ATG13: variants seen among roughly 807,000 people sequenced by gnomAD.
The protein encoded by ATG13 is autophagy related 13, also known as autophagy-related protein 13.
In ATG13, 23 loss-of-function variants were observed where a neutral mutation model predicts 65.5. The ratio of observed to expected loss-of-function variants is 0.35; its 90% CI spans 0.25 to 0.50. The LOEUF (loss-of-function observed/expected upper bound fraction) is 0.50, where lower values mean the gene tolerates loss of function less well. Ranked by LOEUF, ATG13 falls within the 20% of genes least tolerant of loss-of-function variation. The pLI, the probability that ATG13 is intolerant of heterozygous loss-of-function variation, is 0.98. For missense variants in ATG13, 566 were observed against 677.0 expected, an observed-to-expected ratio of 0.84 and a Z score of 1.82; for synonymous variants, 252 against 245.2, an observed-to-expected ratio of 1.03 and a Z score of -0.26.
intron 1 of ATG13, among the ~76,000 whole-genome samples, chr11:46,627,105 G>T (rs1346938030): frequency 1.3e-5 from 2 of 152,212 alleles, no homozygotes; most frequent in African/African-American, 4.8e-5. Context: ...CCCGGGCCGG[G>T]CGTGATGGCT....
In ATG13 at chr11:46,618,806, T is replaced by A. The variant is rs2046272430; in HGVS notation, c.-70+916T>A. ...GCTCAGGAGAAGTCTTTTAGTTTTTTAGATTTTAAAATTTTTATTATTATT... is the reference window on the plus strand; with the variant it reads ...GCTCAGGAGAAGTCTTTTAGTTTTTAAGATTTTAAAATTTTTATTATTATT... On this transcript the variant is annotated intron_variant, in intron 1 of 18. Coordinates refer to ENST00000683050, the MANE Select transcript of ATG13 (RefSeq NM_001346311.2). 3.3e-5 allele frequency among the ~76,000 whole-genome samples: 5 copies of A among 152,046 alleles called. No homozygotes were observed. The South Asian group carries it at 1.0e-3, about 32-fold the overall frequency.
chr11:46,654,114 T>C (rs895139256), intron 7 of ATG13, among the ~76,000 whole-genome samples: 7 of 150,988 alleles, frequency 4.6e-5, no homozygotes, highest in Admixed American at 3.3e-4. Flanking sequence ...AAAGATTTCC[T>C]GCTTTGTTAA....
chr11:46,617,779 C>A lies in ATG13; in HGVS notation c.-181C>A. 2.5e-6 allele frequency: 1 copy of A among 399,118 alleles called. No homozygotes were observed. The highest frequency in any genetic ancestry group is 1.3e-4 in the South Asian group (1 of 7,794). 24.7% of individuals were successfully genotyped at this position (399,118 alleles called of 1,614,324 possible). ...GGTGTCTATCGGCGACGTGTACGGT[C>A]ACTGCAGCTCCGGAGCGCGGAACCC... On this transcript the variant is annotated 5_prime_UTR_variant, in exon 1 of 19. Transcript: ENST00000683050.
rs1237021446 is a variant in ATG13, at chr11:46,674,372, CG to C, written c.*2043del. ...CCTAGACTGACTCCTGCAGCACCCC[CG>C]GGACAGGCTGGGACCAGCTGTTTGT... is the stretch of plus-strand genomic sequence containing the variant. On this transcript the variant is annotated 3_prime_UTR_variant, in exon 19 of 19. Coordinates refer to ENST00000683050, the MANE Select transcript of ATG13 (RefSeq NM_001346311.2). 6.6e-6 allele frequency: 1 copy of C among 152,298 alleles called. No homozygotes were observed. Among genetic ancestry groups the C allele is most frequent in the African/African-American group, 2.4e-5 (1 of 41,434 alleles). 9.4% of individuals were successfully genotyped at this position (152,298 alleles called of 1,614,324 possible).
intron 3 of ATG13, among the ~76,000 whole-genome samples, chr11:46,644,750 T>C (rs1299065903): frequency 6.6e-6 from 1 of 152,276 alleles, no homozygotes; most frequent in Middle Eastern, 3.4e-3. Flanking sequence ...GTTCAACTTT[T>C]ATATATTCTT....
At chr11:46,632,109 A>AT (rs1178493458) in intron 2 of ATG13, among the ~76,000 whole-genome samples, 1 of 152,240 alleles carries the variant, frequency 6.6e-6, no homozygotes, top group Non-Finnish European at 1.5e-5. Context: ...AAGAAAACCT[A>AT]TAAGTATCAA....
At chr11:46,667,744 C>A (rs375524581) in intron 14 of ATG13, 29 bp from the exon 15 acceptor site, 1 of 1,539,850 alleles carries the variant, frequency 6.5e-7, no homozygotes, top group African/African-American at 1.4e-5. Flanking sequence ...GGTTTGAGAA[C>A]GAGTACTAAC....
chr11:46,617,934 C>T (rs2045824482), intron 1 of ATG13, 44 bp downstream of exon 1: 3 of 399,030 alleles, frequency 7.5e-6, no homozygotes, highest in African/African-American at 6.2e-5. Flanking sequence ...CTCAGCGCCC[C>T]CGGGTGGGAG....
At chr11:46,657,008 A>G (rs905888544) in intron 8 of ATG13, 87 bp from the exon 9 acceptor site, 6 of 1,127,800 alleles carry the variant, frequency 5.3e-6, no homozygotes, top group African/African-American at 4.6e-5. Flanking sequence ...AGATTACACA[A>G]TAGGCCAAAT....
intron 1 of ATG13, among the ~76,000 whole-genome samples, chr11:46,626,405 C>T (rs1426847939): frequency 6.6e-6 from 1 of 152,142 alleles, no homozygotes; most frequent in African/African-American, 2.4e-5. Flanking sequence ...CACGCACCAC[C>T]ATGCCTGGCT....
Position 46,644,333 on chromosome 11 carries a change from C to G in ATG13, c.42C>G (p.Asp14Glu). The change falls in exon 3 of 19, where the codon GAC becomes GAG. Residue 14 changes from aspartate to glutamate, a missense_variant. Physicochemically the swap from Asp to Glu is conservative, Grantham distance 45. Around this residue, in one of 2 missense-constraint regions of ATG13, gnomAD observed 179 missense variants for 267.2 expected, o/e 0.67. Coordinates refer to ENST00000683050, the MANE Select transcript of ATG13 (RefSeq NM_001346311.2). ...DLNSQDRKDL[D>E]KFIKFFALKT... ...ATTCCCAGGACAGAAAGGACCTGGA[C>G]AAGTTTATTAAATTTTTTGCCCTCA... 1 of 1,610,590 alleles carries G rather than the reference C, an allele frequency of 6.2e-7. No homozygotes were observed. The highest frequency in any genetic ancestry group is 1.1e-5 in the South Asian group (1 of 90,258).
chr11:46,661,665 C>T (rs1199246070), intron 11 of ATG13, among the ~76,000 whole-genome samples: 3 of 152,008 alleles, frequency 2.0e-5, no homozygotes, highest in African/African-American at 7.2e-5. Flanking sequence ...AACCCTGTCT[C>T]TACCAAAAAT....
intron 1 of ATG13, among the ~76,000 whole-genome samples, chr11:46,623,326 C>T (rs2048381279): frequency 6.6e-6 from 1 of 152,114 alleles, no homozygotes; most frequent in Non-Finnish European, 1.5e-5. Flanking sequence ...GAAGTACGTC[C>T]ATAAAGAAAG....
At chr11:46,623,229 GT>G (rs1279857011) in intron 1 of ATG13, among the ~76,000 whole-genome samples, 4 of 152,146 alleles carry the variant, frequency 2.6e-5, no homozygotes, top group African/African-American at 9.7e-5. Flanking sequence ...GGGAGGTGGA[GT>G]TTGCAGTGAG....
chr11:46,627,011 G>A (rs1428553199), intron 1 of ATG13, among the ~76,000 whole-genome samples: 1 of 152,186 alleles, frequency 6.6e-6, no homozygotes, highest in East Asian at 1.9e-4. Flanking sequence ...AAGCCGAGGT[G>A]GATGGATCAC....
chr11:46,666,229 A>G (rs2062330926), intron 14 of ATG13, among the ~76,000 whole-genome samples: 1 of 152,210 alleles, frequency 6.6e-6, no homozygotes. Flanking sequence ...CCAACGGGAA[A>G]CAGCAGGAGC....
chr11:46,649,029 A>G (rs1383345588), intron 5 of ATG13, 108 bp from the exon 6 acceptor site: 7 of 887,414 alleles, frequency 7.9e-6, no homozygotes, highest in Non-Finnish European at 1.2e-5. Flanking sequence ...GTTGATATCT[A>G]TTCTTTTTTT....
In ATG13 at chr11:46,672,298, G is replaced by A. The variant is rs757485408; in HGVS notation, c.1619G>A (p.Arg540His). The A allele has an allele frequency of 1.9e-5, 30 of 1,614,114 alleles. No homozygotes were observed. The highest frequency in any genetic ancestry group is 1.2e-4 in the South Asian group (11 of 91,092). Reference sequence around the variant, plus strand: ...CTGGCTGTGCATGAGAAGAATGTCCGCGAGTTTGATGCCTTTGTGGAAACC... The same window carrying A: ...CTGGCTGTGCATGAGAAGAATGTCCACGAGTTTGATGCCTTTGTGGAAACC... ...EKLAVHEKNVREFDAFVETLQ is the reference protein window; with the variant it reads ...EKLAVHEKNVHEFDAFVETLQ Residue 540 changes from arginine (R) to histidine (H), a missense_variant, in exon 19 of 19, where the codon CGC (arginine) becomes CAC (histidine). Arg to His is a conservative substitution (Grantham distance 29). Around this residue, in one of 2 missense-constraint regions of ATG13, gnomAD observed 387 missense variants for 409.8 expected, o/e 0.94. Transcript: ENST00000683050.
chr11:46,623,234 C>T (rs1306667756), intron 1 of ATG13, among the ~76,000 whole-genome samples: 2 of 151,944 alleles, frequency 1.3e-5, no homozygotes, highest in Non-Finnish European at 2.9e-5. Context: ...GTGGAGTTTG[C>T]AGTGAGCCGA....
Sources: allele counts gnomAD v4.1 joint callset (sites outside exome capture counted in the v4.1 genomes callset), GRCh38; gene constraint gnomAD v4.1.1; regional missense constraint gnomAD v4.1.1; transcripts MANE v1.5; gene names NCBI Gene and HGNC (gene_info 2026-07-23, HGNC 2026-07-21).